Variants in PCDH15 observed in about 807,000 individuals in gnomAD.
The protein encoded by PCDH15 is protocadherin-15.
A neutral mutation model predicts 178.5 loss-of-function variants in PCDH15; 129 were observed. The observed-to-expected ratio is 0.72, with a 90% confidence interval of 0.63 to 0.84. The LOEUF (loss-of-function observed/expected upper bound fraction) is 0.84. Ranked by LOEUF, PCDH15 falls within the 40% of genes least tolerant of loss-of-function variation. PCDH15 has a pLI of 0.00. For missense variants in PCDH15, 2,230 were observed against 2,099.9 expected (o/e 1.06, Z -1.21); for synonymous variants, 800 against 732.0 (o/e 1.09, Z -1.50).
Position 53,832,195 on chromosome 10 carries a change from T to C in PCDH15, c.3984-662A>G, listed in dbSNP as rs568067612. Among the ~76,000 whole-genome samples, 3 of 152,140 alleles carry C rather than the reference T, an allele frequency of 2.0e-5. No individual in the cohort carries two copies. The South Asian group carries it at 6.2e-4, about 31-fold the overall frequency. On this transcript the variant is annotated intron_variant, in intron 29 of 37. Transcript: ENST00000644397. ...TGATGCGAGTAGTATATCAGTGTTGTAAGAATGACAGGAAGTGGTAGTCAA... is the reference window on the plus strand; with the variant it reads ...TGATGCGAGTAGTATATCAGTGTTGCAAGAATGACAGGAAGTGGTAGTCAA...
intron 1 of PCDH15, among the ~76,000 whole-genome samples, chr10:55,278,046 T>C (rs1842639223): frequency 6.6e-6 from 1 of 152,142 alleles, no homozygotes; most frequent in African/African-American, 2.4e-5. Flanking sequence ...CTTGTGGTAC[T>C]TGTCTGAATG....
chr10:54,302,421 C>T (rs952616309), intron 8 of PCDH15, among the ~76,000 whole-genome samples: 4 of 152,124 alleles, frequency 2.6e-5, no homozygotes, highest in Non-Finnish European at 5.9e-5. Flanking sequence ...AAATCCTAAC[C>T]CTCAAGATGG....
At chr10:54,684,150 T>C (rs1009756370) in intron 1 of PCDH15, among the ~76,000 whole-genome samples, 10 of 152,100 alleles carry the variant, frequency 6.6e-5, no homozygotes, top group Admixed American at 2.6e-4. Flanking sequence ...TATTTAAAAA[T>C]TGTCCTTCAG....
intron 8 of PCDH15, 28 bp from the exon 9 acceptor site, chr10:54,236,959 T>G: frequency 6.6e-7 from 1 of 1,525,346 alleles, no homozygotes. Context: ...AGAGTTTCAT[T>G]CAGCCGCATT....
chr10:54,082,906 T>A (rs541574008), intron 16 of PCDH15, among the ~76,000 whole-genome samples: 1 of 151,860 alleles, frequency 6.6e-6, no homozygotes, highest in Admixed American at 6.6e-5. Flanking sequence ...TAACTTAACA[T>A]CAAAAAGAAA....
At chr10:54,394,998 T>C (rs1951022424) in intron 3 of PCDH15, among the ~76,000 whole-genome samples, 1 of 152,186 alleles carries the variant, frequency 6.6e-6, no homozygotes, top group Non-Finnish European at 1.5e-5. Context: ...TGTTATCCTG[T>C]TCTTTTTTCG....
chr10:55,033,346 G>A (rs1564734604), intron 2 of PCDH15, among the ~76,000 whole-genome samples: 1 of 152,156 alleles, frequency 6.6e-6, no homozygotes, highest in African/African-American at 2.4e-5. Flanking sequence ...GAAGGGAGCT[G>A]TACCCAGCAA....
intron 2 of PCDH15, among the ~76,000 whole-genome samples, chr10:54,980,629 T>C (rs1198748018): frequency 6.6e-6 from 1 of 152,134 alleles, no homozygotes; most frequent in Non-Finnish European, 1.5e-5. Flanking sequence ...ACTATAAACA[T>C]TATCAAATTC....
intron 1 of PCDH15, among the ~76,000 whole-genome samples, chr10:55,257,609 A>T (rs1445582454): frequency 2.0e-5 from 3 of 152,216 alleles, no homozygotes; most frequent in African/African-American, 7.2e-5. Flanking sequence ...AATCAACTGG[A>T]AGAAAAGGTA....
intron 6 of PCDH15, among the ~76,000 whole-genome samples, chr10:54,332,344 A>G (rs1337393458): frequency 1.1e-5 from 1 of 92,886 alleles, no homozygotes; most frequent in East Asian, 2.3e-4. Context: ...ATATTATTAT[A>G]TATAATATAA....
intron 2 of PCDH15, among the ~76,000 whole-genome samples, chr10:55,129,777 A>G (rs12357050): frequency 0.22 from 33,804 of 151,976 alleles, 4,031 homozygotes; most frequent in South Asian, 0.34. Context: ...TATTTGCCCA[A>G]CTTGGTTCCA....
rs778642329 is a variant in PCDH15 at position 54,185,227 on chromosome 10, G to C, written c.1347C>G (p.Thr449=). 6.2e-7 allele frequency: 1 copy of C among 1,613,532 alleles called. No homozygotes were observed. The highest frequency in any genetic ancestry group is 2.2e-5 in the East Asian group (1 of 44,806). Residue 449 remains threonine, a synonymous_variant, in exon 12 of 38, where the codon ACC becomes ACG. Coordinates refer to ENST00000644397, the MANE Select transcript of PCDH15 (RefSeq NM_001384140.1). ...CAGTCTGTGTGACGGTGAAGACTGA[G>C]GTGTAGTCATTCAGAAAAAGGTGAA... ...PELHLFLNDY[T]SVFTVTQTGI...
intron 6 of PCDH15, among the ~76,000 whole-genome samples, chr10:54,343,246 T>G (rs958802107): frequency 6.6e-6 from 1 of 152,122 alleles, no homozygotes; most frequent in African/African-American, 2.4e-5. Context: ...GGGAGGTGAC[T>G]GGATCATGGG....
At chr10:54,820,720 C>T (rs368340564) in intron 3 of PCDH15, among the ~76,000 whole-genome samples, 13 of 152,100 alleles carry the variant, frequency 8.5e-5, no homozygotes, top group South Asian at 2.1e-4. Flanking sequence ...CTGACATCTA[C>T]AGAGGATCAG....
At chr10:55,058,099 A>G (rs942999188) in intron 2 of PCDH15, among the ~76,000 whole-genome samples, 1 of 152,210 alleles carries the variant, frequency 6.6e-6, no homozygotes, top group Non-Finnish European at 1.5e-5. Context: ...ATTTAAAAAG[A>G]TGCTAGATAC....
intron 7 of PCDH15, among the ~76,000 whole-genome samples, chr10:54,327,864 A>G (rs2133857475): frequency 6.6e-6 from 1 of 152,192 alleles, no homozygotes; most frequent in Non-Finnish European, 1.5e-5. Flanking sequence ...TTATAGAAAA[A>G]TTGAGAGGAA....
rs141103995 is a variant in PCDH15 at position 54,488,057 on chromosome 10, G to T, written c.157+39755C>A. ...TTGATTTTAGAAGAGAACAGCAAAAGATAATTATAAATTTTATTTTAAAAT... is the reference window on the plus strand; with the variant it reads ...TTGATTTTAGAAGAGAACAGCAAAATATAATTATAAATTTTATTTTAAAAT... On this transcript the variant is annotated intron_variant, in intron 3 of 37. Transcript: ENST00000644397. Among the ~76,000 whole-genome samples, 1,180 of 151,652 alleles carry T rather than the reference G, an allele frequency of 7.8e-3. 15 individuals carry two copies. Among genetic ancestry groups the T allele is most frequent in the African/African-American group, 0.027 (1,109 of 41,466 alleles).
At chr10:54,208,967 C>CT (rs1015830962) in intron 10 of PCDH15, among the ~76,000 whole-genome samples, 3 of 151,244 alleles carry the variant, frequency 2.0e-5, no homozygotes, top group South Asian at 2.1e-4. Context: ...CATCTCTTGT[C>CT]TTTTTTTTTC....
chr10:54,749,612 G>A (rs746220689), intron 1 of PCDH15, among the ~76,000 whole-genome samples: 25 of 152,176 alleles, frequency 1.6e-4, no homozygotes, highest in South Asian at 4.2e-4. Context: ...ATTAGGCAGA[G>A]TAATATAGTT....
Sources: allele counts gnomAD v4.1 joint callset (sites outside exome capture counted in the v4.1 genomes callset), GRCh38; gene constraint gnomAD v4.1.1; transcripts MANE v1.5; gene names NCBI Gene and HGNC (gene_info 2026-07-23, HGNC 2026-07-21).